Variants in COBLL1 observed in about 807,000 individuals in gnomAD.
COBLL1 encodes cordon-bleu WH2 repeat protein like 1.
Under a neutral mutation model 94.8 loss-of-function variants are expected in COBLL1, and 50 were observed. The ratio of observed to expected loss-of-function variants is 0.53; its 90% CI spans 0.42 to 0.67. The LOEUF is 0.67. COBLL1 is among the 30% of genes least tolerant of loss of function. The pLI is 0.00. For synonymous variants in COBLL1, 448 were observed against 473.8 expected (o/e 0.95, Z 0.71); for missense variants, 1,362 against 1,348.7 (o/e 1.01, Z -0.15).
chr2:164,687,560 G>A (rs1411849619), intron 13 of COBLL1: 4 of 1,244,300 alleles, frequency 3.2e-6, no homozygotes, highest in Non-Finnish European at 4.7e-6. Flanking sequence ...GTGCCCTGGG[G>A]TTTTCCAAAG....
At position 164,728,818 on chromosome 2, in the gene COBLL1, T is replaced by A. The variant is rs1219905290; in HGVS notation, c.433-621A>T. ...TTTAGTAAAGAATATTTAAATCTCT[T>A]CATTAAATATCTAGTACTAATAATT... On this transcript the variant is annotated intron_variant, in intron 4 of 13. Transcript: ENST00000652658. Among the ~76,000 whole-genome samples the A allele has an allele frequency of 3.9e-5, 6 of 152,040 alleles. No homozygotes were observed. The East Asian group carries it at 1.2e-3, about 29-fold the overall frequency.
chr2:164,787,095 G>A (rs1688996451), intron 2 of COBLL1, among the ~76,000 whole-genome samples: 2 of 152,050 alleles, frequency 1.3e-5, no homozygotes, highest in South Asian at 2.1e-4. Context: ...TTAACTTCGA[G>A]TTGCCTTCCA....
chr2:164,755,502 C>T (rs1687353633), intron 2 of COBLL1, among the ~76,000 whole-genome samples: 1 of 152,108 alleles, frequency 6.6e-6, no homozygotes, highest in Non-Finnish European at 1.5e-5. Flanking sequence ...AAATCTTCCC[C>T]TTTTACTACT....
intron 3 of COBLL1, among the ~76,000 whole-genome samples, chr2:164,738,721 A>G (rs958631327): frequency 6.6e-6 from 1 of 151,940 alleles, no homozygotes; most frequent in African/African-American, 2.4e-5. Context: ...TACATTTCAC[A>G]TTTTTTTTCA....
intron 2 of COBLL1, among the ~76,000 whole-genome samples, chr2:164,660,825 G>T (rs537297339): frequency 1.9e-4 from 29 of 152,050 alleles, no homozygotes; most frequent in African/African-American, 6.8e-4. Context: ...CTACATTTTA[G>T]GTAAGTGTGC....
intron 2 of COBLL1, among the ~76,000 whole-genome samples, chr2:164,800,356 T>C (rs913523845): frequency 8.5e-5 from 13 of 152,094 alleles, no homozygotes; most frequent in Non-Finnish European, 2.9e-5. Flanking sequence ...AAAATGTAGA[T>C]TAAGAACAAA....
intron 3 of COBLL1, among the ~76,000 whole-genome samples, chr2:164,733,938 A>G (rs776956007): frequency 5.3e-5 from 8 of 152,224 alleles, no homozygotes; most frequent in Non-Finnish European, 7.3e-5. Context: ...GCCATACTGG[A>G]TAGAGTAATT....
chr2:164,821,012 C>T (rs564407167), intron 2 of COBLL1, among the ~76,000 whole-genome samples: 16 of 152,150 alleles, frequency 1.1e-4, no homozygotes, highest in Admixed American at 8.5e-4. Flanking sequence ...CTCAGCCTCC[C>T]GAGTAGCTGG....
chr2:164,734,397 A>G (rs2105532558), intron 3 of COBLL1, among the ~76,000 whole-genome samples: 1 of 152,290 alleles, frequency 6.6e-6, no homozygotes, highest in East Asian at 1.9e-4. Flanking sequence ...GCTAGTGAAA[A>G]CAATAGGCAT....
intron 8 of COBLL1, 141 bp from the exon 9 acceptor site, chr2:164,704,659 A>G (rs1684490775): frequency 1.4e-6 from 1 of 701,036 alleles, no homozygotes; most frequent in Admixed American, 2.8e-5. Flanking sequence ...AAACACTAAA[A>G]TCCACTTAGA....
chr2:164,761,010 G>A (rs1446536915), intron 2 of COBLL1, among the ~76,000 whole-genome samples: 1 of 152,114 alleles, frequency 6.6e-6, no homozygotes, highest in Non-Finnish European at 1.5e-5. Flanking sequence ...AATTACTAAA[G>A]AAGTCCTACC....
intron 3 of COBLL1, among the ~76,000 whole-genome samples, chr2:164,730,612 T>C (rs182241051): frequency 6.6e-6 from 1 of 152,190 alleles, no homozygotes; most frequent in African/African-American, 2.4e-5. Context: ...AGTCCTGGGA[T>C]AGTCAAGAGA....
chr2:164,727,158 G>T, intron 5 of COBLL1: 1 of 1,461,252 alleles, frequency 6.8e-7, no homozygotes. Flanking sequence ...CAGAAGGAGG[G>T]GTATAAAAGA....
rs368667900 is a variant in COBLL1, at chr2:164,694,911, G to C, written c.2481C>G (p.Pro827=). Residue 827 remains proline (P), a synonymous_variant, in exon 12 of 14, where the codon CCC becomes CCG. Transcript: ENST00000652658. ...DAMVSPLKPA[P]KMTRDTGTAP... ...CTGTGCCAGTGTCTCTTGTCATTTTGGGAGCAGGTTTCAGAGGACTAACCA... is the reference window on the plus strand; with the variant it reads ...CTGTGCCAGTGTCTCTTGTCATTTTCGGAGCAGGTTTCAGAGGACTAACCA... The C allele has an allele frequency of 3.1e-6, 5 of 1,613,836 alleles. 1 individual carries two copies. Among genetic ancestry groups the C allele is most frequent in the African/African-American group, 1.3e-5 (1 of 74,988 alleles).
chr2:164,659,877 A>C (rs973012169), intron 2 of COBLL1, among the ~76,000 whole-genome samples: 4 of 152,180 alleles, frequency 2.6e-5, no homozygotes, highest in African/African-American at 9.7e-5. Flanking sequence ...AAGTTGCTTC[A>C]GTTTAAAGGA....
At chr2:164,791,114 G>A (rs1181377665) in intron 2 of COBLL1, among the ~76,000 whole-genome samples, 1 of 151,976 alleles carries the variant, frequency 6.6e-6, no homozygotes, top group African/African-American at 2.4e-5. Flanking sequence ...TTGAAAAAGT[G>A]CAGAATACTC....
intron 2 of COBLL1, among the ~76,000 whole-genome samples, chr2:164,762,391 G>A (rs918159416): frequency 6.6e-6 from 1 of 152,200 alleles, no homozygotes; most frequent in African/African-American, 2.4e-5. Context: ...AGCATCTACT[G>A]TACCACAGAT....
intron 9 of COBLL1, among the ~76,000 whole-genome samples, chr2:164,702,558 C>CAAAAAAAAAAAA (rs56011410): frequency 1.6e-4 from 13 of 82,132 alleles, no homozygotes; most frequent in African/African-American, 4.9e-4. Context: ...TGAGACTCCT[C>CAAAAAAAAAAAA]AAAAAAAAAA....
chr2:164,756,213 A>G (rs1432619386), intron 2 of COBLL1, among the ~76,000 whole-genome samples: 1 of 152,158 alleles, frequency 6.6e-6, no homozygotes, highest in Non-Finnish European at 1.5e-5. Flanking sequence ...TTCCTGAAGC[A>G]ACTCTTATTC....
Sources: gnomAD v4.1 joint callset for allele counts (sites outside exome capture counted in the v4.1 genomes callset) on GRCh38, gnomAD v4.1.1 for gene constraint, MANE v1.5 for transcripts, NCBI Gene and HGNC (gene_info 2026-07-23, HGNC 2026-07-21) for gene names.